Variants in OR56A3 observed in about 807,000 individuals in gnomAD.
OR56A3 encodes the protein olfactory receptor 56A3.
A neutral mutation model predicts 17.5 loss-of-function variants in OR56A3; 23 were observed. The observed-to-expected ratio is 1.32, with a 90% confidence interval of 0.95 to 1.87. OR56A3 has a LOEUF of 1.87. Ranked by LOEUF, OR56A3 falls within the 40% of genes most tolerant of loss-of-function variation. The pLI is 0.00. For missense variants in OR56A3, 366 were observed against 380.1 expected, an observed-to-expected ratio of 0.96 and a Z score of 0.31; for synonymous variants, 175 against 150.6, an observed-to-expected ratio of 1.16 and a Z score of -1.19.
chr11:6,020,361 T>C, the OR56A3 span: 1 of 152,190 alleles, frequency 6.6e-6, no homozygotes, highest in East Asian at 1.9e-4. Flanking sequence ...ATTGGTAGTT[T>C]GACTGGAATA....
chr11:5,951,578 A>G (rs989172230), downstream of OR56A3, among the ~76,000 whole-genome samples: 1 of 152,106 alleles, frequency 6.6e-6, no homozygotes, highest in Non-Finnish European at 1.5e-5. Flanking sequence ...CCCACACATT[A>G]CTCATAATTA....
chr11:5,986,594 T>C, the OR56A3 span: 6 of 1,613,956 alleles, frequency 3.7e-6, no homozygotes, highest in Admixed American at 5.0e-5. Context: ...AGGCAGACGA[T>C]GTACCCAATC....
At chr11:6,017,088 T>G in the OR56A3 span, 1 of 148,158 alleles carries the variant, frequency 6.7e-6, no homozygotes, top group Non-Finnish European at 1.5e-5. Flanking sequence ...ATGAGAGACC[T>G]CCTGGGAATA....
chr11:5,986,591 C>A, the OR56A3 span: 1 of 1,613,844 alleles, frequency 6.2e-7, no homozygotes, highest in Non-Finnish European at 8.5e-7. Flanking sequence ...ATCAGGCAGA[C>A]GATGTACCCA....
At chr11:6,007,165 T>C in the OR56A3 span, among the ~76,000 whole-genome samples, 1 of 152,072 alleles carries the variant, frequency 6.6e-6, no homozygotes, top group Non-Finnish European at 1.5e-5. Context: ...GAAGTCTAAT[T>C]AACAAAAATG....
At chr11:5,976,134 G>A in the OR56A3 span, among the ~76,000 whole-genome samples, 3 of 151,904 alleles carry the variant, frequency 2.0e-5, no homozygotes, top group Admixed American at 6.6e-5. Context: ...AGGAGGAAAG[G>A]AACTGGGAGA....
At chr11:5,978,255 G>A in the OR56A3 span, among the ~76,000 whole-genome samples, 2 of 152,102 alleles carry the variant, frequency 1.3e-5, no homozygotes, top group African/African-American at 4.8e-5. Flanking sequence ...GTCATTAGTA[G>A]CTTGATAAGA....
At chr11:5,991,042 T>C in the OR56A3 span, among the ~76,000 whole-genome samples, 1 of 152,174 alleles carries the variant, frequency 6.6e-6, no homozygotes, top group Non-Finnish European at 1.5e-5. Context: ...TGGGGAACAA[T>C]GATGAAGAGG....
At chr11:6,018,643 G>A in the OR56A3 span, among the ~76,000 whole-genome samples, 2 of 151,786 alleles carry the variant, frequency 1.3e-5, no homozygotes, top group Non-Finnish European at 2.9e-5. Flanking sequence ...AGAAATTAGA[G>A]TAGCAAAAAC....
chr11:6,001,824 C>A, the OR56A3 span: 1 of 455,270 alleles, frequency 2.2e-6, no homozygotes. Flanking sequence ...AGGAAAAATT[C>A]CAAAGTAACC....
chr11:5,952,041 G>C (rs1042175027), downstream of OR56A3, among the ~76,000 whole-genome samples: 1 of 152,186 alleles, frequency 6.6e-6, no homozygotes, highest in African/African-American at 2.4e-5. Flanking sequence ...GCCACTATTT[G>C]AGAATATAGA....
the OR56A3 span, among the ~76,000 whole-genome samples, chr11:5,985,187 T>C: frequency 1.3e-5 from 2 of 152,312 alleles, no homozygotes; most frequent in Admixed American, 6.5e-5. Context: ...AATAATTATA[T>C]GGTTACTTTT....
At chr11:5,994,868 A>C in the OR56A3 span, 2 of 759,868 alleles carry the variant, frequency 2.6e-6, no homozygotes, top group East Asian at 2.5e-5. Flanking sequence ...CAGGCTCCTC[A>C]CTCTGTCCGG....
At chr11:5,979,781 T>TA in the OR56A3 span, among the ~76,000 whole-genome samples, 2 of 152,050 alleles carry the variant, frequency 1.3e-5, no homozygotes, top group Non-Finnish European at 2.9e-5. Flanking sequence ...CTAGTTCCTC[T>TA]AGGTGGGAAG....
chr11:6,013,287 C>T, the OR56A3 span, among the ~76,000 whole-genome samples: 62 of 152,312 alleles, frequency 4.1e-4, no homozygotes, highest in African/African-American at 8.2e-4. Context: ...GCATTGGAGG[C>T]AGGGGTGACA....
the OR56A3 span, among the ~76,000 whole-genome samples, chr11:5,976,515 T>C: frequency 6.6e-5 from 10 of 152,180 alleles, no homozygotes; most frequent in Non-Finnish European, 1.2e-4. Flanking sequence ...CTTATTTTAC[T>C]ATCCTTCTAA....
At chr11:5,999,147 A>G in the OR56A3 span, among the ~76,000 whole-genome samples, 1 of 152,146 alleles carries the variant, frequency 6.6e-6, no homozygotes, top group South Asian at 2.1e-4. Flanking sequence ...CTACATGATA[A>G]CCCTCACATA....
the OR56A3 span, among the ~76,000 whole-genome samples, chr11:5,989,961 C>G: frequency 6.6e-6 from 1 of 152,204 alleles, no homozygotes; most frequent in African/African-American, 2.4e-5. Context: ...GGTACTTATT[C>G]ATCTAATTCA....
At chr11:6,010,974 T>C in the OR56A3 span, among the ~76,000 whole-genome samples, 27 of 152,208 alleles carry the variant, frequency 1.8e-4, no homozygotes, top group Admixed American at 1.1e-3. Context: ...AAATTCTTAT[T>C]TTCTGTATGT....
Sources: allele counts gnomAD v4.1 joint callset (sites outside exome capture counted in the v4.1 genomes callset), GRCh38; gene constraint gnomAD v4.1.1; transcripts MANE v1.5; gene names NCBI Gene and HGNC (gene_info 2026-07-23, HGNC 2026-07-21).